Variants in CHLSN observed in about 807,000 individuals in gnomAD.
CHLSN encodes the protein protein cholesin.
the CHLSN span, among the ~76,000 whole-genome samples, chr7:1,104,777 T>G: frequency 6.6e-6 from 1 of 152,190 alleles, no homozygotes; most frequent in African/African-American, 2.4e-5. Context: ...AAAAATAATT[T>G]TGAAAAGACC....
chr7:1,134,738 G>A, the CHLSN span, among the ~76,000 whole-genome samples: 5 of 151,626 alleles, frequency 3.3e-5, no homozygotes, highest in South Asian at 2.1e-4. Flanking sequence ...GCATAGTGGC[G>A]GGTGCCTGTA....
chr7:1,014,464 G>C, the CHLSN span, among the ~76,000 whole-genome samples: 1 of 152,254 alleles, frequency 6.6e-6, no homozygotes, highest in Non-Finnish European at 1.5e-5. Context: ...CACGGGCCCT[G>C]TGTGAGCCGT....
chr7:1,022,806 T>C, the CHLSN span: 7 of 301,208 alleles, frequency 2.3e-5, no homozygotes, highest in African/African-American at 1.1e-4. Flanking sequence ...GAACATCCCA[T>C]GCTCTCCCCC....
chr7:1,103,173 C>T, the CHLSN span, among the ~76,000 whole-genome samples: 2 of 152,296 alleles, frequency 1.3e-5, no homozygotes, highest in Middle Eastern at 6.8e-3. Flanking sequence ...ACATCGCAGG[C>T]CACAGGGAAA....
chr7:1,131,121 G>T, the CHLSN span, among the ~76,000 whole-genome samples: 3 of 151,528 alleles, frequency 2.0e-5, no homozygotes, highest in African/African-American at 7.3e-5. Flanking sequence ...AGCCTGGGAG[G>T]TCGAGGCTGC....
the CHLSN span, chr7:988,522 G>A: frequency 6.3e-7 from 1 of 1,598,400 alleles, no homozygotes; most frequent in Non-Finnish European, 8.5e-7. Flanking sequence ...CTGATCTCAG[G>A]TTCTGAAGGC....
chr7:1,030,759 C>G, the CHLSN span, among the ~76,000 whole-genome samples: 21,262 of 150,486 alleles, frequency 0.14, 1,658 homozygotes, highest in Middle Eastern at 0.22. Flanking sequence ...TCCCGGGGCA[C>G]GCGGGGACTC....
chr7:1,049,704 T>C, the CHLSN span, among the ~76,000 whole-genome samples: 9 of 152,316 alleles, frequency 5.9e-5, no homozygotes, highest in East Asian at 1.7e-3. Flanking sequence ...CATTCCCTCA[T>C]GTCAGGTAGA....
At chr7:1,100,301 G>T in the CHLSN span, among the ~76,000 whole-genome samples, 1 of 152,252 alleles carries the variant, frequency 6.6e-6, no homozygotes, top group East Asian at 1.9e-4. Context: ...GGAGCCGACA[G>T]AGGCTGGGTG....
the CHLSN span, chr7:1,127,383 C>G: frequency 6.2e-7 from 1 of 1,603,078 alleles, no homozygotes; most frequent in African/African-American, 1.3e-5. Context: ...TCTGTTTTGC[C>G]ATCCTGCAAC....
the CHLSN span, chr7:1,092,974 C>A: frequency 1.1e-6 from 1 of 951,468 alleles, no homozygotes; most frequent in South Asian, 1.4e-5. Context: ...GCTTCTGGCT[C>A]CTCGGGGCCT....
the CHLSN span, among the ~76,000 whole-genome samples, chr7:1,054,184 A>G: frequency 6.6e-6 from 1 of 152,166 alleles, no homozygotes; most frequent in African/African-American, 2.4e-5. Context: ...TGCCTGGTAA[A>G]AGGAGGGCTC....
At chr7:1,085,621 C>G in the CHLSN span, among the ~76,000 whole-genome samples, 1 of 151,724 alleles carries the variant, frequency 6.6e-6, no homozygotes, top group Non-Finnish European at 1.5e-5. Context: ...TCTCTTGAGC[C>G]CAGGAGTTCA....
chr7:1,094,864 G>C, the CHLSN span, among the ~76,000 whole-genome samples: 1 of 152,182 alleles, frequency 6.6e-6, no homozygotes, highest in Non-Finnish European at 1.5e-5. Context: ...CTCAGGAACA[G>C]AGCGCTGCCC....
At chr7:1,041,021 A>T in the CHLSN span, among the ~76,000 whole-genome samples, 1 of 152,250 alleles carries the variant, frequency 6.6e-6, no homozygotes, top group Non-Finnish European at 1.5e-5. Flanking sequence ...CTGGAGACCC[A>T]TCCTGGGCAC....
the CHLSN span, among the ~76,000 whole-genome samples, chr7:1,012,325 G>A: frequency 3.3e-5 from 5 of 152,240 alleles, no homozygotes; most frequent in South Asian, 2.1e-4. Flanking sequence ...TGGTGAGGAC[G>A]GGGCCAAGGC....
chr7:1,072,357 C>T, the CHLSN span, among the ~76,000 whole-genome samples: 7 of 152,378 alleles, frequency 4.6e-5, no homozygotes, highest in East Asian at 1.3e-3. Context: ...CCTGCACACA[C>T]GCAGTGGGGC....
chr7:1,130,468 G>A, the CHLSN span, among the ~76,000 whole-genome samples: 1 of 152,024 alleles, frequency 6.6e-6, no homozygotes, highest in South Asian at 2.1e-4. Flanking sequence ...GAAGCCTCCT[G>A]CATGGGCTCA....
the CHLSN span, among the ~76,000 whole-genome samples, chr7:1,099,251 C>A: frequency 2.6e-5 from 4 of 151,200 alleles, no homozygotes; most frequent in East Asian, 7.7e-4. Context: ...CGCGTTCCTG[C>A]AGCGGCCTCC....
Sources: allele counts gnomAD v4.1 joint callset (sites outside exome capture counted in the v4.1 genomes callset), GRCh38; gene constraint gnomAD v4.1.1; transcripts MANE v1.5; gene names NCBI Gene and HGNC (gene_info 2026-07-23, HGNC 2026-07-21).